Variants in KPNA3 observed in about 807,000 individuals in gnomAD.
KPNA3 encodes karyopherin subunit alpha 3.
Under a neutral mutation model 73.8 loss-of-function variants are expected in KPNA3, and 13 were observed. The observed-to-expected ratio is 0.18, with a 90% confidence interval of 0.11 to 0.28. The LOEUF (loss-of-function observed/expected upper bound fraction) is 0.28, where lower values mean the gene tolerates loss of function less well. KPNA3 is among the 10% of genes least tolerant of loss of function. The pLI, the probability that KPNA3 is intolerant of heterozygous loss-of-function variation, is 1.00. For missense variants in KPNA3, 360 were observed against 618.1 expected (o/e 0.58, Z 4.43); for synonymous variants, 186 against 206.9 (o/e 0.90, Z 0.87).
In KPNA3 at chr13:49,732,734, T is replaced by C. The variant is rs763185698; in HGVS notation, c.234+13A>G. 2.5e-6 allele frequency: 4 copies of C among 1,585,792 alleles called. No individual in the cohort carries two copies. The highest frequency in any genetic ancestry group is 3.5e-6 in the Non-Finnish European group (4 of 1,158,394). On this transcript the variant is annotated intron_variant, in intron 4 of 16. Coordinates refer to ENST00000261667, the MANE Select transcript of KPNA3 (RefSeq NM_002267.4). ...AAATACTTCAAAACGAGAGTATTAA[T>C]TTAGTAACATACCTGCAATATAGCT...
At chr13:49,792,100 C>G (rs975751027) in intron 1 of KPNA3, among the ~76,000 whole-genome samples, 5 of 152,104 alleles carry the variant, frequency 3.3e-5, no homozygotes, top group Admixed American at 6.5e-5. Context: ...TCGGAGGGCC[C>G]GGGCGGCAGC....
intron 12 of KPNA3, among the ~76,000 whole-genome samples, chr13:49,708,782 T>C (rs975436659): frequency 1.3e-5 from 2 of 152,234 alleles, no homozygotes; most frequent in African/African-American, 4.8e-5. Context: ...TGAAGACTTA[T>C]TACATACTAG....
chr13:49,779,009 C>A (rs1383591433), intron 1 of KPNA3, among the ~76,000 whole-genome samples: 3 of 151,998 alleles, frequency 2.0e-5, no homozygotes, highest in African/African-American at 7.3e-5. Context: ...GATGAGTGGA[C>A]AACATTCATT....
intron 1 of KPNA3, among the ~76,000 whole-genome samples, chr13:49,767,339 A>T (rs1025386047): frequency 1.3e-5 from 2 of 151,256 alleles, no homozygotes; most frequent in Non-Finnish European, 3.0e-5. Flanking sequence ...GCTTGAACCC[A>T]GGAGGTGGAG....
intron 10 of KPNA3, among the ~76,000 whole-genome samples, chr13:49,713,839 G>C (rs146728708): frequency 5.7e-4 from 86 of 152,206 alleles, no homozygotes; most frequent in African/African-American, 2.0e-3. Flanking sequence ...ATGTAGCTGG[G>C]ATTACAGGCG....
rs1566328432 is a variant in KPNA3, at chr13:49,699,416, G to A, written c.*2384C>T. The A allele has an allele frequency of 2.6e-5, 4 of 152,374 alleles. No individual in the cohort carries two copies. The highest frequency in any genetic ancestry group is 2.1e-4 in the South Asian group (1 of 4,810). The allele number at this position is 152,374 out of a possible 1,614,324, so 9.4% of individuals were successfully genotyped here. On this transcript the variant is annotated 3_prime_UTR_variant, in exon 17 of 17. Transcript: ENST00000261667. ...ATTTAGATGCCTCTTTTGAAAGAAC[G>A]TTTTAGTCTTTTTAAACTGAGTTTA...
At chr13:49,776,444 G>A (rs941382198) in intron 1 of KPNA3, among the ~76,000 whole-genome samples, 2 of 152,036 alleles carry the variant, frequency 1.3e-5, no homozygotes, top group Non-Finnish European at 2.9e-5. Flanking sequence ...GAGTAAATAC[G>A]CATTTTATCA....
intron 1 of KPNA3, among the ~76,000 whole-genome samples, chr13:49,747,221 T>C (rs1954624226): frequency 2.0e-5 from 3 of 152,042 alleles, no homozygotes; most frequent in Non-Finnish European, 4.4e-5. Flanking sequence ...GGCAGGCACC[T>C]GTAATCTCAG....
intron 1 of KPNA3, among the ~76,000 whole-genome samples, chr13:49,771,795 A>G (rs930403465): frequency 1.3e-5 from 2 of 152,200 alleles, no homozygotes; most frequent in Non-Finnish European, 2.9e-5. Context: ...CTGGGACTAC[A>G]GGTACACACC....
rs545464552 is a variant in KPNA3 at position 49,701,468 on chromosome 13, G to A, written c.*332C>T. The A allele has an allele frequency of 9.7e-4, 469 of 484,418 alleles. 4 individuals are homozygous for A. The highest frequency in any genetic ancestry group is 5.8e-3 in the South Asian group (374 of 64,698). 30.0% of individuals were successfully genotyped at this position (484,418 alleles called of 1,614,324 possible). On this transcript the variant is annotated 3_prime_UTR_variant, in exon 17 of 17. Coordinates refer to ENST00000261667, the MANE Select transcript of KPNA3 (RefSeq NM_002267.4). Reference sequence around the variant, plus strand: ...CCATTTTCCAAAGGAGTATCAGTGGGCAGCTGACATGTCACCACTATGGAA... The same window carrying A: ...CCATTTTCCAAAGGAGTATCAGTGGACAGCTGACATGTCACCACTATGGAA...
At chr13:49,763,425 T>TA (rs1328733586) in intron 1 of KPNA3, among the ~76,000 whole-genome samples, 2 of 151,904 alleles carry the variant, frequency 1.3e-5, no homozygotes, top group African/African-American at 4.8e-5. Context: ...AAGGATACAA[T>TA]AAAAAATACA....
chr13:49,725,376 T>A (rs559442080), intron 7 of KPNA3, 40 bp downstream of exon 7: 13 of 1,235,738 alleles, frequency 1.1e-5, no homozygotes, highest in Admixed American at 4.5e-5. Context: ...CTTGCCATCA[T>A]TAAAACACAA....
At chr13:49,761,395 C>A (rs571309895) in intron 1 of KPNA3, among the ~76,000 whole-genome samples, 191 of 151,918 alleles carry the variant, frequency 1.3e-3, no homozygotes, top group African/African-American at 4.5e-3. Flanking sequence ...CACACCGCCA[C>A]GCCTGACTGG....
chr13:49,713,333 AACAT>A (rs1954277051), intron 10 of KPNA3, among the ~76,000 whole-genome samples: 1 of 148,004 alleles, frequency 6.8e-6, no homozygotes, highest in African/African-American at 2.5e-5. Context: ...TATATGTAAA[AACAT>A]ACTAATAATA....
intron 1 of KPNA3, among the ~76,000 whole-genome samples, chr13:49,760,231 G>A (rs561980830): frequency 6.6e-6 from 1 of 152,076 alleles, no homozygotes; most frequent in Admixed American, 6.5e-5. Context: ...GCAACATGAT[G>A]AAATCCCATC....
intron 1 of KPNA3, among the ~76,000 whole-genome samples, chr13:49,768,307 T>C (rs1954825625): frequency 6.8e-6 from 1 of 146,776 alleles, no homozygotes; most frequent in Non-Finnish European, 1.5e-5. Flanking sequence ...AGCTGCTACA[T>C]AGAAGCCAAT....
chr13:49,708,836 T>C (rs898009989), intron 12 of KPNA3, among the ~76,000 whole-genome samples: 8 of 152,226 alleles, frequency 5.3e-5, no homozygotes, highest in Non-Finnish European at 8.8e-5. Flanking sequence ...TCTATGAAGC[T>C]TGAAATCTTA....
At chr13:49,762,696 T>G (rs558792429) in intron 1 of KPNA3, among the ~76,000 whole-genome samples, 1 of 151,906 alleles carries the variant, frequency 6.6e-6, no homozygotes, top group South Asian at 2.1e-4. Flanking sequence ...CACCACTCCC[T>G]AATCTCAAGT....
chr13:49,779,106 T>A (rs1954921191), intron 1 of KPNA3, among the ~76,000 whole-genome samples: 1 of 152,192 alleles, frequency 6.6e-6, no homozygotes, highest in South Asian at 2.1e-4. Flanking sequence ...CATTTTTTTT[T>A]TTTAACAATT....
Sources: gnomAD v4.1 joint callset for allele counts (sites outside exome capture counted in the v4.1 genomes callset) on GRCh38, gnomAD v4.1.1 for gene constraint, MANE v1.5 for transcripts, NCBI Gene and HGNC (gene_info 2026-07-23, HGNC 2026-07-21) for gene names.